The following TWIST2 variants were observed in gnomAD, a reference collection of about 807,000 sequenced individuals.
The protein encoded by TWIST2 is twist-related protein 2.
Under a neutral mutation model 11.6 loss-of-function variants are expected in TWIST2, and 1 was observed. That is an observed-to-expected ratio of 0.09 (90% confidence interval 0.03 to 0.41). The LOEUF (loss-of-function observed/expected upper bound fraction) is 0.41, where lower values mean the gene tolerates loss of function less well. Among genes scored for constraint, TWIST2 ranks in the 10% least tolerant of loss-of-function variants. The probability of loss-of-function intolerance (pLI) is 0.98; values close to 1 mark genes in which losing one functional copy is unlikely to be tolerated. For synonymous variants in TWIST2, 87 were observed against 96.6 expected (o/e 0.90, Z 0.58); for missense variants, 168 against 226.4 (o/e 0.74, Z 1.66).
chr2:238,848,950 G>T (rs2106346164), intron 1 of TWIST2, among the ~76,000 whole-genome samples: 1 of 152,268 alleles, frequency 6.6e-6, no homozygotes, highest in African/African-American at 2.4e-5. Flanking sequence ...GAGGGTGTCA[G>T]TTGGGAACCG....
At chr2:238,905,922 T>C (rs1360241028) in intron 1 of TWIST2, among the ~76,000 whole-genome samples, 2 of 117,164 alleles carry the variant, frequency 1.7e-5, no homozygotes, top group African/African-American at 4.0e-5. Flanking sequence ...TGCGTGCAGG[T>C]GTGCGTGTGC....
In TWIST2 at chr2:238,868,878, G is replaced by T. The variant is rs1380538225; in HGVS notation, c.*35+20145G>T. On this transcript the variant is annotated intron_variant, in intron 1 of 1. Transcript: ENST00000612363. ...GGGCTTGTGTCCATTTGATTCTCAA[G>T]ATGGTCCAGTGATGGAGGTGGCATC... is the stretch of plus-strand genomic sequence containing the variant. 2.0e-5 allele frequency among the ~76,000 whole-genome samples: 3 copies of T among 152,338 alleles called. No homozygotes were observed. In the South Asian group the frequency reaches 6.2e-4, roughly 32 times the overall value.
At position 238,863,454 on chromosome 2, in the gene TWIST2, C is replaced by G. The variant is rs1001788581; in HGVS notation, c.*35+14721C>G. Among the ~76,000 whole-genome samples, 1 of 152,192 alleles carries G rather than the reference C, an allele frequency of 6.6e-6. No homozygotes were observed. The highest frequency in any genetic ancestry group is 1.5e-5 in the Non-Finnish European group (1 of 68,036). ...CGCGGCTCCCTGATGGAGCTGGCGA[C>G]GTCCTTTGGCAGTGAGGGCTGTGCG... On this transcript the variant is annotated intron_variant, in intron 1 of 1. Coordinates refer to ENST00000612363, the MANE Select transcript of TWIST2 (RefSeq NM_001271893.4). The surrounding 1 kb of genome is among the most constrained non-coding windows in gnomAD (Gnocchi z 4.7).
intron 1 of TWIST2, among the ~76,000 whole-genome samples, chr2:238,871,886 G>A (rs902386727): frequency 9.2e-5 from 14 of 152,138 alleles, no homozygotes; most frequent in Non-Finnish European, 1.5e-4. Context: ...GCTGCCGGGG[G>A]CCGAGGGGAG....
intron 1 of TWIST2, among the ~76,000 whole-genome samples, chr2:238,902,298 AGTAT>A (rs1693276831): frequency 7.0e-6 from 1 of 143,590 alleles, no homozygotes; most frequent in Non-Finnish European, 1.5e-5. Flanking sequence ...TGTGATATGG[AGTAT>A]GTGTGTGTGA....
chr2:238,882,019 T>A (rs1463927149), intron 1 of TWIST2, among the ~76,000 whole-genome samples: 1 of 152,106 alleles, frequency 6.6e-6, no homozygotes, highest in African/African-American at 2.4e-5. Context: ...TGTGTCTGTC[T>A]CTGTGTCCCT....
intron 1 of TWIST2, among the ~76,000 whole-genome samples, chr2:238,906,697 C>G (rs1693360674): frequency 6.6e-6 from 1 of 152,182 alleles, no homozygotes; most frequent in South Asian, 2.1e-4. Context: ...CGTCACCCGT[C>G]CCTCCAGCTT....
intron 1 of TWIST2, among the ~76,000 whole-genome samples, chr2:238,876,218 C>T (rs1692803563): frequency 6.6e-6 from 1 of 152,208 alleles, no homozygotes; most frequent in African/African-American, 2.4e-5. Context: ...AAGTCAGGCA[C>T]CCAGGCAGCC....
At chr2:238,899,962 CAAAG>C (rs878951591) in intron 1 of TWIST2, among the ~76,000 whole-genome samples, 67 of 151,686 alleles carry the variant, frequency 4.4e-4, no homozygotes, top group Non-Finnish European at 8.1e-4. Context: ...AAAGTCTTTA[CAAAG>C]AAAGAAAGAA....
In TWIST2 at chr2:238,848,328, A is replaced by G. The variant is rs1272783385; in HGVS notation, c.113A>G (p.Lys38Arg). 1 of 1,534,708 alleles carries G rather than the reference A, an allele frequency of 6.5e-7. No homozygotes were observed. Among genetic ancestry groups the G allele is most frequent in the South Asian group, 1.2e-5 (1 of 84,016 alleles). ...RFGRKRRYSK[K>R]SSEDGSPTPG... ...GGCCGGAAGCGGCGCTACAGCAAGA[A>G]GTCGAGCGAAGATGGCAGCCCGACC... The change falls in exon 1 of 2, where the codon AAG becomes AGG. Residue 38 changes from lysine to arginine, a missense_variant. This residue lies in a region of TWIST2 where 83 missense variants were observed against 92.7 expected (regional missense o/e 0.90). Transcript: ENST00000612363.
At chr2:238,902,699 ATGTGTGAGGTG>A (rs1693286568) in intron 1 of TWIST2, among the ~76,000 whole-genome samples, 2 of 75,894 alleles carry the variant, frequency 2.6e-5, no homozygotes, top group Non-Finnish European at 5.2e-5. Context: ...ATGGGGTGTG[ATGTGTGAGGTG>A]TGTGTGATGT....
chr2:238,874,025 T>C (rs904216686), intron 1 of TWIST2, among the ~76,000 whole-genome samples: 24 of 152,166 alleles, frequency 1.6e-4, no homozygotes, highest in Non-Finnish European at 3.1e-4. Flanking sequence ...ATGGGGTTCA[T>C]GCGTTAGAGG....
chr2:238,905,840 A>AGT (rs1167633014), intron 1 of TWIST2, among the ~76,000 whole-genome samples: 48 of 115,434 alleles, frequency 4.2e-4, no homozygotes, highest in Middle Eastern at 0.01. Flanking sequence ...CTTTGAAAAA[A>AGT]GTGTGTGTGT....
chr2:238,897,894 G>A (rs1260069958), intron 1 of TWIST2, among the ~76,000 whole-genome samples: 1 of 152,214 alleles, frequency 6.6e-6, no homozygotes, highest in Non-Finnish European at 1.5e-5. Context: ...AGCAGAGCAG[G>A]AGGGACTCTC....
rs990831200 is a variant in TWIST2 at position 238,902,221 on chromosome 2, A to C, written c.*36-7621A>C. 2.8e-4 allele frequency among the ~76,000 whole-genome samples: 41 copies of C among 147,650 alleles called. No individual in the cohort carries two copies. In the South Asian group the frequency reaches 8.3e-3, roughly 30 times the overall value. Reference sequence around the variant, plus strand: ...GAGATATGGGGTATGTGTGATGTGGAGTATGTGTGTGTGTGATGTGTGTGG... The same window carrying C: ...GAGATATGGGGTATGTGTGATGTGGCGTATGTGTGTGTGTGATGTGTGTGG... On this transcript the variant is annotated intron_variant, in intron 1 of 1. Coordinates refer to ENST00000612363, the MANE Select transcript of TWIST2 (RefSeq NM_001271893.4).
intron 1 of TWIST2, among the ~76,000 whole-genome samples, chr2:238,909,385 G>A (rs1053380975): frequency 6.6e-6 from 1 of 152,078 alleles, no homozygotes; most frequent in Non-Finnish European, 1.5e-5. Context: ...ATTTCTCTGC[G>A]TCCTCCTCGC....
intron 1 of TWIST2, among the ~76,000 whole-genome samples, chr2:238,851,288 C>T (rs573830287): frequency 1.3e-5 from 2 of 152,198 alleles, no homozygotes; most frequent in Admixed American, 6.5e-5. Flanking sequence ...TGCCTTTCTT[C>T]TTTGGCCTGG....
At chr2:238,906,368 G>A (rs1693356170) in intron 1 of TWIST2, among the ~76,000 whole-genome samples, 1 of 150,678 alleles carries the variant, frequency 6.6e-6, no homozygotes, top group Admixed American at 6.6e-5. Context: ...CCACTCACGT[G>A]GATGTACACA....
chr2:238,890,695 C>T (rs765964466), intron 1 of TWIST2, among the ~76,000 whole-genome samples: 4 of 152,106 alleles, frequency 2.6e-5, no homozygotes, highest in Non-Finnish European at 5.9e-5. Flanking sequence ...GCAGGAATGC[C>T]GAATTTTTAA....
Sources: gnomAD v4.1 joint callset for allele counts (sites outside exome capture counted in the v4.1 genomes callset) on GRCh38, gnomAD v4.1.1 for gene constraint, gnomAD v4.1.1 regional missense constraint, Gnocchi (gnomAD v3.1) non-coding constraint, MANE v1.5 for transcripts, NCBI Gene and HGNC (gene_info 2026-07-23, HGNC 2026-07-21) for gene names.